Variants in LRRC4C observed in about 807,000 individuals in gnomAD.
LRRC4C encodes the protein leucine rich repeat containing 4C.
In LRRC4C, 5 loss-of-function variants were observed where a neutral mutation model predicts 33.6. That is an observed-to-expected ratio of 0.15 (90% CI 0.08 to 0.31). The LOEUF (loss-of-function observed/expected upper bound fraction) is 0.31, where lower values mean the gene tolerates loss of function less well. Among genes scored for constraint, LRRC4C ranks in the 10% least tolerant of loss-of-function variants. The probability of loss-of-function intolerance (pLI) is 1.00; values close to 1 mark genes in which losing one functional copy is unlikely to be tolerated. For missense variants in LRRC4C, 560 were observed against 796.7 expected (o/e 0.70, Z 3.58); for synonymous variants, 329 against 302.0 (o/e 1.09, Z -0.93).
At chr11:41,030,795 TATACACACAC>T (rs1856680832) in intron 1 of LRRC4C, among the ~76,000 whole-genome samples, 1 of 151,872 alleles carries the variant, frequency 6.6e-6, no homozygotes, top group South Asian at 2.1e-4. Context: ...GGGGCACTGT[TATACACACAC>T]ATACACACAC....
chr11:40,505,664 C>A (rs1288422172), intron 3 of LRRC4C, among the ~76,000 whole-genome samples: 3 of 152,116 alleles, frequency 2.0e-5, no homozygotes, highest in Non-Finnish European at 2.9e-5. Flanking sequence ...CAGGCATTGG[C>A]CCATGAATGC....
rs376107185 is a variant in LRRC4C at position 40,302,355 on chromosome 11, G to A, written c.-176+17273C>T. 1.7e-3 allele frequency among the ~76,000 whole-genome samples: 256 copies of A among 152,134 alleles called. 4 individuals carry two copies. Among genetic ancestry groups the A allele is most frequent in the South Asian group, 1.0e-2 (48 of 4,816 alleles). On this transcript the variant is annotated intron_variant, in intron 4 of 6. Transcript: ENST00000528697. ...ATTTTTTACTTTAATTCTTATGAAC[G>A]TTTCCACAATTTTTTGTTATTGTTC...
intron 1 of LRRC4C, among the ~76,000 whole-genome samples, chr11:41,233,049 A>C (rs554270658): frequency 6.6e-6 from 1 of 152,252 alleles, no homozygotes; most frequent in South Asian, 2.1e-4. Context: ...ATAAAAGCTA[A>C]GTAAAACCAT....
At chr11:40,247,247 G>A (rs1398385132) in intron 4 of LRRC4C, among the ~76,000 whole-genome samples, 3 of 151,964 alleles carry the variant, frequency 2.0e-5, no homozygotes, top group Admixed American at 6.6e-5. Flanking sequence ...TTAATTGAAT[G>A]GTTCTTAAAC....
At chr11:40,337,860 T>C (rs2136987596) in intron 3 of LRRC4C, among the ~76,000 whole-genome samples, 1 of 152,270 alleles carries the variant, frequency 6.6e-6, no homozygotes, top group South Asian at 2.1e-4. Flanking sequence ...TACGCCCCAG[T>C]GTGCGTTCTT....
intron 1 of LRRC4C, among the ~76,000 whole-genome samples, chr11:41,187,436 G>A (rs922450816): frequency 6.6e-6 from 1 of 152,146 alleles, no homozygotes; most frequent in African/African-American, 2.4e-5. Context: ...AAGACGTGGA[G>A]TTTGGCCAAG....
chr11:40,607,767 T>C (rs971715586), intron 3 of LRRC4C, among the ~76,000 whole-genome samples: 4 of 152,104 alleles, frequency 2.6e-5, no homozygotes, highest in Admixed American at 6.6e-5. Flanking sequence ...GAATGTCTAA[T>C]TGAGCTGATT....
chr11:41,100,442 C>T (rs1466511736), intron 1 of LRRC4C, among the ~76,000 whole-genome samples: 1 of 152,034 alleles, frequency 6.6e-6, no homozygotes, highest in Middle Eastern at 3.2e-3. Flanking sequence ...TGGCAGGTGC[C>T]TGTAATCCCA....
chr11:41,140,750 T>C (rs1319595310), intron 1 of LRRC4C, among the ~76,000 whole-genome samples: 3 of 120,948 alleles, frequency 2.5e-5, no homozygotes, highest in Non-Finnish European at 5.8e-5. Context: ...AGAAAGTTTC[T>C]CCTTATTGCC....
At chr11:40,375,110 T>C (rs1948604773) in intron 3 of LRRC4C, among the ~76,000 whole-genome samples, 1 of 152,202 alleles carries the variant, frequency 6.6e-6, no homozygotes, top group African/African-American at 2.4e-5. Context: ...TTCTAAGCCA[T>C]ATAGCTGATG....
intron 2 of LRRC4C, among the ~76,000 whole-genome samples, chr11:40,736,732 T>G (rs551293126): frequency 6.6e-6 from 1 of 152,158 alleles, no homozygotes; most frequent in Non-Finnish European, 1.5e-5. Context: ...AGTATCTCAT[T>G]GTGTTTTGAT....
At chr11:40,365,901 A>G (rs936560110) in intron 3 of LRRC4C, among the ~76,000 whole-genome samples, 1 of 152,078 alleles carries the variant, frequency 6.6e-6, no homozygotes. Context: ...TTGGTATATG[A>G]GAATACATAT....
chr11:40,257,513 G>T (rs948184579), intron 4 of LRRC4C, among the ~76,000 whole-genome samples: 1 of 152,090 alleles, frequency 6.6e-6, no homozygotes, highest in Admixed American at 6.6e-5. Flanking sequence ...GTGGCCATGT[G>T]CTTCTGAGAA....
intron 1 of LRRC4C, among the ~76,000 whole-genome samples, chr11:41,275,149 G>C (rs1208017820): frequency 6.6e-6 from 1 of 152,120 alleles, no homozygotes; most frequent in Admixed American, 6.5e-5. Context: ...TGTAAGCTTC[G>C]TGAGGCCTTA....
At chr11:40,653,675 G>A (rs1942937072) in intron 2 of LRRC4C, among the ~76,000 whole-genome samples, 3 of 152,186 alleles carry the variant, frequency 2.0e-5, no homozygotes, top group South Asian at 2.1e-4. Flanking sequence ...CTGATGATGC[G>A]ATAGAAAAGA....
intron 1 of LRRC4C, among the ~76,000 whole-genome samples, chr11:41,218,524 T>G (rs1947161775): frequency 6.6e-6 from 1 of 152,196 alleles, no homozygotes; most frequent in Admixed American, 6.5e-5. Context: ...AATGTGAATT[T>G]TATATATTAA....
chr11:40,727,860 C>T (rs905365194), intron 2 of LRRC4C, among the ~76,000 whole-genome samples: 2 of 151,894 alleles, frequency 1.3e-5, no homozygotes, highest in Non-Finnish European at 2.9e-5. Flanking sequence ...ACCAGCCTGG[C>T]CAACATGGCA....
chr11:40,415,221 G>A (rs983788185), intron 3 of LRRC4C, among the ~76,000 whole-genome samples: 3 of 152,240 alleles, frequency 2.0e-5, no homozygotes, highest in Middle Eastern at 6.8e-3. Context: ...AGTTCAGAGC[G>A]CCATAACAAG....
At chr11:41,095,838 T>G (rs1940774127) in intron 1 of LRRC4C, among the ~76,000 whole-genome samples, 1 of 152,214 alleles carries the variant, frequency 6.6e-6, no homozygotes, top group Admixed American at 6.5e-5. Flanking sequence ...GTCTGACTCA[T>G]GTGTGAGTTT....
Sources: allele counts gnomAD v4.1 joint callset (sites outside exome capture counted in the v4.1 genomes callset), GRCh38; gene constraint gnomAD v4.1.1; transcripts MANE v1.5; gene names NCBI Gene and HGNC (gene_info 2026-07-23, HGNC 2026-07-21).